The following PRKAR1B variants were observed in gnomAD, a reference collection of about 807,000 sequenced individuals.
PRKAR1B encodes the protein protein kinase cAMP-dependent type I regulatory subunit beta, also known as cAMP-dependent protein kinase type I-beta regulatory subunit.
A neutral mutation model predicts 46.5 loss-of-function variants in PRKAR1B; 22 were observed. The observed-to-expected ratio is 0.47, with a 90% CI of 0.34 to 0.68. PRKAR1B has a LOEUF of 0.68. Among genes scored for constraint, PRKAR1B ranks in the 30% least tolerant of loss-of-function variants. The probability of loss-of-function intolerance (pLI) is 0.01; values close to 1 mark genes in which losing one functional copy is unlikely to be tolerated. For missense variants in PRKAR1B, 445 were observed against 535.6 expected (o/e 0.83, Z 1.67); for synonymous variants, 259 against 217.7 (o/e 1.19, Z -1.67).
In PRKAR1B at chr7:653,929, CACT is replaced by C. The variant is rs1265361759; in HGVS notation, c.440+23297_440+23299del. 4.6e-5 allele frequency among the ~76,000 whole-genome samples: 7 copies of C among 151,608 alleles called. No individual in the cohort carries two copies. In the East Asian group the frequency reaches 5.8e-4, roughly 13 times the overall value. On this transcript the variant is annotated intron_variant, in intron 4 of 10. Coordinates refer to ENST00000537384, the MANE Select transcript of PRKAR1B (RefSeq NM_001164760.2). The stretch of plus-strand genomic sequence containing the variant: ...TCACCATCACCTTCACCATCACCAC[CACT>C]ATCTTCATCTCCATCACCATCATCA...
intron 9 of PRKAR1B, among the ~76,000 whole-genome samples, chr7:557,372 T>A (rs1320425271): frequency 6.6e-6 from 1 of 152,172 alleles, no homozygotes; most frequent in Admixed American, 6.5e-5. Context: ...AAGGGAGACA[T>A]TTCTCCGTTC....
chr7:671,143 A>C (rs534925801), intron 4 of PRKAR1B, among the ~76,000 whole-genome samples: 12 of 152,220 alleles, frequency 7.9e-5, no homozygotes, highest in African/African-American at 2.6e-4. Context: ...AGGGCCCTGA[A>C]CACCACCCAC....
chr7:567,599 T>C (rs747406757), intron 9 of PRKAR1B, among the ~76,000 whole-genome samples: 20 of 151,950 alleles, frequency 1.3e-4, no homozygotes, highest in Non-Finnish European at 1.9e-4. Context: ...CCATCAGTGG[T>C]GGCAGCAGCA....
At chr7:607,006 T>C (rs1782123538) in intron 5 of PRKAR1B, among the ~76,000 whole-genome samples, 1 of 152,158 alleles carries the variant, frequency 6.6e-6, no homozygotes, top group Non-Finnish European at 1.5e-5. Context: ...AGTCTATATA[T>C]ATCCTTTTGA....
At chr7:654,198 C>T (rs1269534940) in intron 4 of PRKAR1B, among the ~76,000 whole-genome samples, 2 of 149,780 alleles carry the variant, frequency 1.3e-5, no homozygotes, top group Non-Finnish European at 3.0e-5. Flanking sequence ...ATCTTCACCA[C>T]TATCACCATC....
rs986878651 is a variant in PRKAR1B at position 608,661 on chromosome 7, G to A, written c.441-1209C>T. Among the ~76,000 whole-genome samples, 217 of 46,784 alleles carry A rather than the reference G, an allele frequency of 4.6e-3. 7 individuals carry two copies. Among genetic ancestry groups the A allele is most frequent in the African/African-American group, 0.011 (166 of 15,408 alleles). The allele number at this position is 46,784 out of a possible 152,430, so 30.7% of individuals were successfully genotyped here. A position where few individuals can be genotyped will look rare whatever the true frequency, so the allele number is the denominator to read the frequency against. On this transcript the variant is annotated intron_variant, in intron 4 of 10. Transcript: ENST00000537384. Reference sequence around the variant, plus strand: ...CTCCACTGTCCTCCCACCTGGGGAGGGATCAGTGTGTGGCAGGGTTGTAGG... The same window carrying A: ...CTCCACTGTCCTCCCACCTGGGGAGAGATCAGTGTGTGGCAGGGTTGTAGG...
At position 706,422 on chromosome 7, in the gene PRKAR1B, A is replaced by ATTTTTTTTT. The variant is rs33963335; in HGVS notation, c.177+4898_177+4906dup. On this transcript the variant is annotated intron_variant, in intron 2 of 10. Coordinates refer to ENST00000537384, the MANE Select transcript of PRKAR1B (RefSeq NM_001164760.2). ...GCTGTGTTTTGCCATCAAATAAGGA[A>ATTTTTTTTT]TTTTTTTTTTTTTTTTTTTGAGACG... 4.9e-5 allele frequency among the ~76,000 whole-genome samples: 5 copies of ATTTTTTTTT among 102,296 alleles called. 1 individual carries two copies. The highest frequency in any genetic ancestry group is 7.7e-5 in the African/African-American group (2 of 25,810). 67.1% of individuals were successfully genotyped at this position (102,296 alleles called of 152,430 possible).
Position 602,992 on chromosome 7 carries a change from A to G in PRKAR1B, c.549+3201T>C, listed in dbSNP as rs1423394492. On this transcript the variant is annotated intron_variant, in intron 6 of 10. Coordinates refer to ENST00000537384, the MANE Select transcript of PRKAR1B (RefSeq NM_001164760.2). This position sits in a 1 kb window ranked among gnomAD's most constrained non-coding sequence, Gnocchi z 6.4. Reference sequence around the variant, plus strand: ...AAGTTAGGCGGGAACATAACCTGGGAGCCCCATGTCGGTTTCAGGCTCCAC... The same window carrying G: ...AAGTTAGGCGGGAACATAACCTGGGGGCCCCATGTCGGTTTCAGGCTCCAC... 6.6e-6 allele frequency among the ~76,000 whole-genome samples: 1 copy of G among 152,160 alleles called. No individual in the cohort carries two copies.
intron 4 of PRKAR1B, among the ~76,000 whole-genome samples, chr7:631,240 C>T (rs970138059): frequency 3.9e-5 from 6 of 152,202 alleles, no homozygotes; most frequent in African/African-American, 9.7e-5. Flanking sequence ...CGTGAGCCGC[C>T]GTGCCAGCTT....
At chr7:612,712 G>A (rs1782592671) in intron 4 of PRKAR1B, among the ~76,000 whole-genome samples, 1 of 152,254 alleles carries the variant, frequency 6.6e-6, no homozygotes, top group South Asian at 2.1e-4. Flanking sequence ...AGCTGCTGGA[G>A]TGGCCACCCT....
chr7:604,179 C>A (rs536815192), intron 6 of PRKAR1B, among the ~76,000 whole-genome samples: 130 of 152,312 alleles, frequency 8.5e-4, no homozygotes, highest in African/African-American at 2.8e-3. Flanking sequence ...CTGGGACGGG[C>A]CCAGGCCCCA....
At chr7:567,521 C>T (rs1428505037) in intron 9 of PRKAR1B, among the ~76,000 whole-genome samples, 11 of 150,232 alleles carry the variant, frequency 7.3e-5, no homozygotes, top group African/African-American at 2.2e-4. Flanking sequence ...CCTTCATCAC[C>T]ATCACCATCA....
chr7:582,414 C>T (rs1029061406), intron 8 of PRKAR1B, among the ~76,000 whole-genome samples: 1 of 152,260 alleles, frequency 6.6e-6, no homozygotes, highest in Non-Finnish European at 1.5e-5. Flanking sequence ...GCGGAGACAC[C>T]GCCCCGCCAG....
At position 666,356 on chromosome 7, in the gene PRKAR1B, G is replaced by A. The variant is rs1212670336; in HGVS notation, c.440+10873C>T. 2.0e-5 allele frequency among the ~76,000 whole-genome samples: 3 copies of A among 152,150 alleles called. No individual in the cohort carries two copies. Among genetic ancestry groups the A allele is most frequent in the East Asian group, 1.9e-4 (1 of 5,156 alleles). ...GGCACATCAGAGAGCTCCGGAGCAC[G>A]CGGGGCTGCTTCCTGAGGCTGCTGA... On this transcript the variant is annotated intron_variant, in intron 4 of 10. Coordinates refer to ENST00000537384, the MANE Select transcript of PRKAR1B (RefSeq NM_001164760.2). This position sits in a 1 kb window ranked among gnomAD's most constrained non-coding sequence, Gnocchi z 4.9.
intron 4 of PRKAR1B, among the ~76,000 whole-genome samples, chr7:663,174 C>T (rs761458698): frequency 6.6e-6 from 1 of 152,222 alleles, no homozygotes; most frequent in Non-Finnish European, 1.5e-5. Flanking sequence ...GCAACTATCA[C>T]ACCCATGAGA....
At chr7:614,729 T>C (rs533604628) in intron 4 of PRKAR1B, among the ~76,000 whole-genome samples, 10 of 152,246 alleles carry the variant, frequency 6.6e-5, no homozygotes, top group African/African-American at 2.2e-4. Context: ...CTGACCAACA[T>C]GGTGAAACCC....
intron 4 of PRKAR1B, among the ~76,000 whole-genome samples, chr7:651,429 A>G (rs1784896704): frequency 1.3e-5 from 2 of 152,122 alleles, no homozygotes; most frequent in African/African-American, 2.4e-5. Context: ...GCAATCTCTG[A>G]CTCCCAGGGC....
intron 4 of PRKAR1B, among the ~76,000 whole-genome samples, chr7:634,621 G>A (rs934245487): frequency 3.3e-5 from 5 of 151,754 alleles, no homozygotes; most frequent in Admixed American, 6.6e-5. Context: ...AAGGCGTGGG[G>A]TCCTGGTGTC....
At chr7:582,790 A>G (rs1780267820) in intron 8 of PRKAR1B, among the ~76,000 whole-genome samples, 1 of 152,226 alleles carries the variant, frequency 6.6e-6, no homozygotes, top group African/African-American at 2.4e-5. Context: ...GGGCCGGACC[A>G]CCCAGGTCTG....
Sources: allele counts gnomAD v4.1 joint callset (sites outside exome capture counted in the v4.1 genomes callset), GRCh38; gene constraint gnomAD v4.1.1; non-coding constraint Gnocchi (gnomAD v3.1); transcripts MANE v1.5; gene names NCBI Gene and HGNC (gene_info 2026-07-23, HGNC 2026-07-21).